MYT1L: variants seen among roughly 807,000 people sequenced by gnomAD.
MYT1L encodes the protein myelin transcription factor 1 like.
A neutral mutation model predicts 126.7 loss-of-function variants in MYT1L; 12 were observed. The ratio of observed to expected loss-of-function variants is 0.09; its 90% CI spans 0.06 to 0.15. MYT1L has a LOEUF of 0.15. MYT1L is among the 10% of genes least tolerant of loss of function. The pLI, the probability that MYT1L is intolerant of heterozygous loss-of-function variation, is 1.00. For missense variants in MYT1L, 979 were observed against 1,585.2 expected (o/e 0.62, Z 6.49); for synonymous variants, 541 against 604.2 (o/e 0.90, Z 1.53).
intron 18 of MYT1L, among the ~76,000 whole-genome samples, chr2:1,884,277 C>T (rs559586627): frequency 3.3e-5 from 5 of 152,288 alleles, no homozygotes; most frequent in South Asian, 2.1e-4. Flanking sequence ...CTTAATATCA[C>T]GATGTTAATC....
rs2036550120 is a variant in MYT1L, at chr2:1,811,066, G to A, written c.3081-1899C>T. ...AGCTCCTTAACCCCTTCTCCCATGT[G>A]AGGACAGAGTGAGAAGGCGTCGTCC... is the stretch of plus-strand genomic sequence containing the variant. On this transcript the variant is annotated intron_variant, in intron 21 of 24. Transcript: ENST00000647738. The surrounding 1 kb of genome is among the most constrained non-coding windows in gnomAD (Gnocchi z 4.4). The A allele has an allele frequency of 1.3e-5, 2 of 152,132 alleles. No individual in the cohort carries two copies. Among genetic ancestry groups the A allele is most frequent in the Non-Finnish European group, 2.9e-5 (2 of 68,020 alleles). The allele number at this position is 152,132 out of a possible 1,614,324, so 9.4% of individuals were successfully genotyped here.
intron 3 of MYT1L, among the ~76,000 whole-genome samples, chr2:2,120,840 T>C (rs1014895120): frequency 6.6e-6 from 1 of 150,586 alleles, no homozygotes; most frequent in Non-Finnish European, 1.5e-5. Flanking sequence ...AATACCTCGC[T>C]CATAGCGACC....
At chr2:1,839,894 G>A (rs1242110903) in intron 20 of MYT1L, among the ~76,000 whole-genome samples, 6 of 152,182 alleles carry the variant, frequency 3.9e-5, no homozygotes, top group African/African-American at 9.6e-5. Flanking sequence ...CTGCAGAGAC[G>A]TCTCATGAAG....
intron 1 of MYT1L, among the ~76,000 whole-genome samples, chr2:2,294,884 G>A (rs934145392): frequency 1.3e-5 from 2 of 152,332 alleles, no homozygotes; most frequent in East Asian, 3.9e-4. Context: ...TCCGCAAGAA[G>A]CTAACATTCC....
rs2048584709 is a variant in MYT1L at position 1,889,602 on chromosome 2, G to C, written c.2284-125C>G. 1.4e-6 allele frequency: 1 copy of C among 707,978 alleles called. No individual in the cohort carries two copies. The highest frequency in any genetic ancestry group is 2.2e-6 in the Non-Finnish European group (1 of 459,478). The allele number at this position is 707,978 out of a possible 1,614,324, so 43.9% of individuals were successfully genotyped here. ...GTTCAACACAGAATCCCTCGCTGCT[G>C]TTTCCTTGGCCTAAACTCCCAAGGC... On this transcript the variant is annotated intron_variant, in intron 15 of 24. Transcript: ENST00000647738. The surrounding 1 kb of genome is among the most constrained non-coding windows in gnomAD (Gnocchi z 4.1).
intron 3 of MYT1L, among the ~76,000 whole-genome samples, chr2:2,064,903 G>C (rs1444956996): frequency 2.6e-5 from 4 of 152,172 alleles, no homozygotes; most frequent in African/African-American, 9.7e-5. Context: ...ATTAAGAAAT[G>C]AGTGTATGAC....
chr2:2,222,659 A>G (rs2093910817), intron 2 of MYT1L, among the ~76,000 whole-genome samples: 1 of 152,152 alleles, frequency 6.6e-6, no homozygotes, highest in African/African-American at 2.4e-5. Flanking sequence ...AAAGAGGGCT[A>G]AGATGTAAGA....
At chr2:2,097,096 C>T (rs1445038257) in intron 3 of MYT1L, among the ~76,000 whole-genome samples, 1 of 152,168 alleles carries the variant, frequency 6.6e-6, no homozygotes, top group Non-Finnish European at 1.5e-5. Flanking sequence ...AGCCTCCCTC[C>T]CCAGCCTCTT....
intron 2 of MYT1L, among the ~76,000 whole-genome samples, chr2:2,279,884 CA>C (rs1438527355): frequency 1.3e-5 from 2 of 152,134 alleles, no homozygotes; most frequent in African/African-American, 4.8e-5. Flanking sequence ...TGTTAGCAGA[CA>C]GCACTTACGT....
intron 2 of MYT1L, among the ~76,000 whole-genome samples, chr2:2,227,376 C>G (rs1272653889): frequency 1.3e-5 from 2 of 152,206 alleles, no homozygotes; most frequent in African/African-American, 4.8e-5. Context: ...GCATCTCAAG[C>G]TTCCCCGTCC....
Position 2,183,915 on chromosome 2 carries a change from G to A in MYT1L, c.-420-10927C>T, listed in dbSNP as rs1344017758. On this transcript the variant is annotated intron_variant, in intron 2 of 24. Transcript: ENST00000647738. ...AAGGAAGAAAAAAGGAAGGAAGGAA[G>A]GAGAGAGAGGAAGGAAGAAAAAAGG... Among the ~76,000 whole-genome samples, 5 of 140,830 alleles carry A rather than the reference G, an allele frequency of 3.6e-5. No individual in the cohort carries two copies. In the Admixed American group the frequency reaches 3.7e-4, roughly 10 times the overall value. The allele number at this position is 140,830 out of a possible 152,430, so 92.4% of individuals were successfully genotyped here. A position where few individuals can be genotyped will look rare whatever the true frequency, so the allele number is the denominator to read the frequency against.
intron 3 of MYT1L, among the ~76,000 whole-genome samples, chr2:2,170,359 G>C (rs1364907741): frequency 6.6e-6 from 1 of 152,208 alleles, no homozygotes; most frequent in Admixed American, 6.5e-5. Context: ...GGCCAAATCT[G>C]TTCTCTACTG....
At position 1,912,545 on chromosome 2, in the gene MYT1L, G is replaced by A. The variant is rs1260968522; in HGVS notation, c.1619-435C>T. Among the ~76,000 whole-genome samples the A allele has an allele frequency of 5.9e-5, 9 of 152,160 alleles. No individual in the cohort carries two copies. Among genetic ancestry groups the A allele is most frequent in the Non-Finnish European group, 8.8e-5 (6 of 68,018 alleles). ...TTAGCCATAGAACAACACAGAGGCTGGGGATTTTAAAAACATGCCTGTGCT... is the reference window on the plus strand; with the variant it reads ...TTAGCCATAGAACAACACAGAGGCTAGGGATTTTAAAAACATGCCTGTGCT... On this transcript the variant is annotated intron_variant, in intron 11 of 24. Transcript: ENST00000647738. This position sits in a 1 kb window ranked among gnomAD's most constrained non-coding sequence, Gnocchi z 4.3.
At chr2:1,904,111 G>C (rs2050723715) in intron 13 of MYT1L, among the ~76,000 whole-genome samples, 1 of 152,134 alleles carries the variant, frequency 6.6e-6, no homozygotes, top group Non-Finnish European at 1.5e-5. Context: ...CTTCATAACC[G>C]TCAGACAAGA....
At chr2:2,025,740 CAG>C (rs2065479283) in intron 4 of MYT1L, among the ~76,000 whole-genome samples, 1 of 152,240 alleles carries the variant, frequency 6.6e-6, no homozygotes, top group Non-Finnish European at 1.5e-5. Context: ...TGCAAGAACA[CAG>C]GGACATTAGC....
chr2:1,827,182 C>T (rs1402724359), intron 21 of MYT1L: 1 of 152,376 alleles, frequency 6.6e-6, no homozygotes, highest in Non-Finnish European at 1.5e-5. Context: ...GCTGCCAGCC[C>T]AGAATGGGGG....
At chr2:2,096,806 G>A (rs1244506399) in intron 3 of MYT1L, among the ~76,000 whole-genome samples, 1 of 152,110 alleles carries the variant, frequency 6.6e-6, no homozygotes, top group Non-Finnish European at 1.5e-5. Context: ...GAGGCCCCAG[G>A]GTTCTCTTCT....
chr2:2,139,296 A>C (rs537006527), intron 3 of MYT1L, among the ~76,000 whole-genome samples: 62 of 152,210 alleles, frequency 4.1e-4, no homozygotes, highest in African/African-American at 1.4e-3. Context: ...TAGCTGCCAG[A>C]GTGAAGAATG....
chr2:2,052,847 T>C lies in MYT1L; in HGVS notation c.-158+1131A>G, dbSNP rs534648389. Among the ~76,000 whole-genome samples, 255 of 152,330 alleles carry C rather than the reference T, an allele frequency of 1.7e-3. 1 individual carries two copies. The highest frequency in any genetic ancestry group is 2.3e-3 in the African/African-American group (96 of 41,566). ...ACTGTGGCGATAATGCACCACTTTA[T>C]GGTGCAGCCACTATTGAAAAGAGTG... On this transcript the variant is annotated intron_variant, in intron 4 of 24. Transcript: ENST00000647738.
Sources: gnomAD v4.1 joint callset for allele counts (sites outside exome capture counted in the v4.1 genomes callset) on GRCh38, gnomAD v4.1.1 for gene constraint, Gnocchi (gnomAD v3.1) non-coding constraint, MANE v1.5 for transcripts, NCBI Gene and HGNC (gene_info 2026-07-23, HGNC 2026-07-21) for gene names.